The following INPP5E variants were observed in gnomAD, a reference collection of about 807,000 sequenced individuals.
INPP5E encodes the protein inositol polyphosphate-5-phosphatase E.
Under a neutral mutation model 50.5 loss-of-function variants are expected in INPP5E, and 34 were observed. The ratio of observed to expected loss-of-function variants is 0.67; its 90% CI spans 0.51 to 0.90. The LOEUF (loss-of-function observed/expected upper bound fraction) is 0.90, where lower values mean the gene tolerates loss of function less well. INPP5E is among the 40% of genes least tolerant of loss of function. The pLI, the probability that INPP5E is intolerant of heterozygous loss-of-function variation, is 0.00. For missense variants in INPP5E, 942 were observed against 905.5 expected (o/e 1.04, Z -0.52); for synonymous variants, 447 against 406.0 (o/e 1.10, Z -1.21).
chr9:136,432,396 C>T, intron 6 of INPP5E, 83 bp downstream of exon 6: 1 of 881,296 alleles, frequency 1.1e-6, no homozygotes. Context: ...AGGACGCTGC[C>T]TCTTCAGAAC....
intron 9 of INPP5E, 78 bp downstream of exon 9, chr9:136,430,199 G>A: frequency 6.6e-7 from 1 of 1,526,046 alleles, no homozygotes; most frequent in African/African-American, 1.4e-5. Flanking sequence ...ACCCCACGAT[G>A]ACAGGGACCC....
chr9:136,438,296 G>A (rs887576363), intron 1 of INPP5E: 1 of 499,762 alleles, frequency 2.0e-6, no homozygotes, highest in Admixed American at 3.3e-5. Context: ...GGGGCGGATC[G>A]TATACATTGA....
In INPP5E at chr9:136,431,931, C is replaced by T. The variant is rs773590570; in HGVS notation, c.1442G>A (p.Arg481His). Reference sequence around the variant, plus strand: ...CACGACTGTGCGCCCGCCACTCAGGCGGAAGTTGAAGTCTCCAAACCAGAA... The same window carrying T: ...CACGACTGTGCGCCCGCCACTCAGGTGGAAGTTGAAGTCTCCAAACCAGAA... ...EVFWFGDFNFRLSGGRTVVDA... is the reference protein window; with the variant it reads ...EVFWFGDFNFHLSGGRTVVDA... The change falls in exon 7 of 10, where the codon CGC becomes CAC. Residue 481 changes from arginine to histidine, a missense_variant. By Grantham distance (29) the Arg-to-His change is conservative. Transcript: ENST00000371712. 1.2e-5 allele frequency: 20 copies of T among 1,611,932 alleles called. No homozygotes were observed. Among genetic ancestry groups the T allele is most frequent in the Middle Eastern group, 1.6e-4 (1 of 6,082 alleles).
At chr9:136,429,851 A>C in intron 9 of INPP5E, 44 bp from the exon 10 acceptor site, 3 of 1,505,632 alleles carry the variant, frequency 2.0e-6, no homozygotes, top group East Asian at 2.5e-5. Flanking sequence ...CAGGGCCAGG[A>C]GGAGGGGGCG....
At chr9:136,438,542 G>A in intron 1 of INPP5E, 66 bp downstream of exon 1, 1 of 1,362,320 alleles carries the variant, frequency 7.3e-7, no homozygotes, top group Non-Finnish European at 1.0e-6. Context: ...GGTCTCACGA[G>A]GTTCCAGCAG....
chr9:136,438,871 G>A lies in INPP5E; in HGVS notation c.549C>T (p.Pro183=), dbSNP rs750486950. The A allele has an allele frequency of 3.1e-6, 5 of 1,590,298 alleles. 1 individual carries two copies. In the African/African-American group the frequency reaches 4.0e-5, roughly 13 times the overall value. The stretch of plus-strand genomic sequence containing the variant: ...GCGGGGGCAGCAGGCTGGGCAGCCT[G>A]GGCGAGCTCCCCGCCACGGCGGCGT... ...HRDAAVAGSS[P]RLPSLLPPRP... The change falls in exon 1 of 10, where the codon CCC becomes CCT. Residue 183 remains proline, a synonymous_variant. Coordinates refer to ENST00000371712, the MANE Select transcript of INPP5E (RefSeq NM_019892.6).
In INPP5E at chr9:136,430,372, A is replaced by G; in HGVS notation, c.1707T>C (p.Cys569=). The change falls in exon 9 of 10, where the codon TGT becomes TGC. Residue 569 remains cysteine, a synonymous_variant. Transcript: ENST00000371712. ...LYRSRHKGDI[C]PVSYSSCPGI... ...CGGGGCAGGAAGAGTAGCTCACAGG[A>G]CAGATGTCACCCTTGTGGCGGCTTC... 6.4e-7 allele frequency: 1 copy of G among 1,556,824 alleles called. No homozygotes were observed. The highest frequency in any genetic ancestry group is 1.7e-4 in the Middle Eastern group (1 of 5,996).
rs1337285403 is a variant in INPP5E at position 136,438,608 on chromosome 9, C to G, written c.812G>C (p.Arg271Thr). The G allele has an allele frequency of 6.4e-7, 1 of 1,553,670 alleles. No homozygotes were observed. The highest frequency in any genetic ancestry group is 8.7e-7 in the Non-Finnish European group (1 of 1,149,562). The change falls in exon 1 of 10, where the codon AGG becomes ACG. Residue 271 changes from arginine (R) to threonine (T), a missense_variant and splice_region_variant. Transcript: ENST00000371712. ...APIRSKDVRS[R>T]SYLEGSLLAS... ...GCTGCACCCGCCAGGCCCTCCCTAC[C>G]TGCTGCGGACGTCCTTGCTGCGGAT...
rs1161794317 is a variant in INPP5E at position 136,429,208 on chromosome 9, G to C, written c.*467C>G. ...CTAGCCCAGATCCAGCCTTGCTCTG[G>C]ATACCCGTGTGACATGGGGTGGTGT... On this transcript the variant is annotated 3_prime_UTR_variant, in exon 10 of 10. Transcript: ENST00000371712. 5 of 265,532 alleles carry C rather than the reference G, an allele frequency of 1.9e-5. No individual in the cohort carries two copies. The Admixed American group carries it at 2.3e-4, about 12-fold the overall frequency. The allele number at this position is 265,532 out of a possible 1,614,324, so 16.4% of individuals were successfully genotyped here.
chr9:136,430,907 C>T, intron 8 of INPP5E, 95 bp downstream of exon 8: 1 of 901,652 alleles, frequency 1.1e-6, no homozygotes, highest in Non-Finnish European at 1.8e-6. Context: ...TCCAGGCCGT[C>T]CAGGCTCAGA....
At chr9:136,436,882 T>G (rs112664351) in intron 1 of INPP5E, 85 of 152,316 alleles carry the variant, frequency 5.6e-4, no homozygotes, top group African/African-American at 2.0e-3. Context: ...GCAGCAGAAC[T>G]GGGTTAAAGG....
rs1056991920 is a variant in INPP5E at position 136,429,772 on chromosome 9, A to G, written c.1838T>C (p.Leu613Pro). The change falls in exon 10 of 10, where the codon CTG (leucine) becomes CCG (proline). Residue 613 changes from leucine to proline, a missense_variant. Transcript: ENST00000371712. ...PLAAGKFDRELYLLGIKRRIS... is the reference protein window; with the variant it reads ...PLAAGKFDREPYLLGIKRRIS... ...CCGTCTTTTAATTCCTAGTAAGTACAGTTCTCTATCAAATTTGCCAGCTGC... is the reference window on the plus strand; with the variant it reads ...CCGTCTTTTAATTCCTAGTAAGTACGGTTCTCTATCAAATTTGCCAGCTGC... 3 of 1,613,120 alleles carry G rather than the reference A, an allele frequency of 1.9e-6. No homozygotes were observed. Among genetic ancestry groups the G allele is most frequent in the Admixed American group, 1.7e-5 (1 of 59,940 alleles).
intron 6 of INPP5E, 148 bp from the exon 7 acceptor site, chr9:136,432,133 C>G: frequency 1.0e-6 from 1 of 985,168 alleles, no homozygotes; most frequent in East Asian, 2.6e-5. Flanking sequence ...GGGATTCGCA[C>G]TGGGACAGTT....
chr9:136,438,701 C>A lies in INPP5E; in HGVS notation c.719G>T (p.Arg240Leu). 1.2e-6 allele frequency: 2 copies of A among 1,602,220 alleles called. No individual in the cohort carries two copies. The highest frequency in any genetic ancestry group is 2.2e-5 in the East Asian group (1 of 44,446). ...ACAGTCGTCGCAGGCCAGGGGGCTC[C>A]GCGGCCGGCCGGGGCCCAGGCTGCT... ...AHSSLGPGRP[R>L]SPLACDDCSL... Residue 240 changes from arginine to leucine, a missense_variant, in exon 1 of 10, where the codon CGG becomes CTG. Arg to Leu is a moderately radical substitution (Grantham distance 102, BLOSUM62 -2). Transcript: ENST00000371712.
rs1835942801 is a variant in INPP5E, at chr9:136,439,561, G to A, written c.-142C>T. On this transcript the variant is annotated 5_prime_UTR_variant, in exon 1 of 10. Transcript: ENST00000371712. ...GCTTGGGCCGGGGATGGTCGCGGAG[G>A]GGCGGGGGCGGCTGCCGCATGGCCC... The A allele has an allele frequency of 1.9e-6, 1 of 531,048 alleles. No homozygotes were observed. Among genetic ancestry groups the A allele is most frequent in the Non-Finnish European group, 2.9e-6 (1 of 348,410 alleles). The allele number at this position is 531,048 out of a possible 1,614,324, so 32.9% of individuals were successfully genotyped here. A position where few individuals can be genotyped will look rare whatever the true frequency, so the allele number is the denominator to read the frequency against.
rs568204894 is a variant in INPP5E at position 136,434,751 on chromosome 9, G to C, written c.925C>G (p.Gln309Glu). 5 of 1,610,434 alleles carry C rather than the reference G, an allele frequency of 3.1e-6. No homozygotes were observed. The highest frequency in any genetic ancestry group is 4.2e-6 in the Non-Finnish European group (5 of 1,179,310). ...CCACAGCCACTCACCTTCTGGCCCT[G>C]CATGTTCCAGGTGGCCACGAAGAGT... ...VALFVATWNM[Q>E]GQKELPPSLD... Residue 309 changes from glutamine to glutamate, a missense_variant, in exon 2 of 10, where the codon CAG becomes GAG. By Grantham distance (29) the Gln-to-Glu change is conservative. Transcript: ENST00000371712.
chr9:136,430,534 C>A, intron 8 of INPP5E, 121 bp from the exon 9 acceptor site: 1 of 1,193,698 alleles, frequency 8.4e-7, no homozygotes. Flanking sequence ...GGACCCCTGA[C>A]ACTCATGCCC....
At chr9:136,435,518 T>G (rs1308419221) in intron 1 of INPP5E, 1 of 140,760 alleles carries the variant, frequency 7.1e-6, no homozygotes, top group Non-Finnish European at 1.6e-5. Flanking sequence ...CGGCTAGTTA[T>G]TTATTTATTT....
intron 8 of INPP5E, 65 bp from the exon 9 acceptor site, chr9:136,430,478 T>A: frequency 6.5e-7 from 1 of 1,536,468 alleles, no homozygotes; most frequent in Non-Finnish European, 8.8e-7. Flanking sequence ...CGTGGCCCGC[T>A]CACCTCCCTG....
Sources: gnomAD v4.1 joint callset for allele counts on GRCh38, gnomAD v4.1.1 for gene constraint, MANE v1.5 for transcripts, NCBI Gene and HGNC (gene_info 2026-07-23, HGNC 2026-07-21) for gene names.